MFSD1: variants seen among roughly 807,000 people sequenced by gnomAD.
MFSD1 encodes lysosomal dipeptide transporter MFSD1.
MFSD1 carries 59 observed loss-of-function variants against 67.1 expected under a neutral mutation model. The observed-to-expected ratio is 0.88, with a 90% CI of 0.71 to 1.09. The LOEUF (loss-of-function observed/expected upper bound fraction) is 1.09, where lower values mean the gene tolerates loss of function less well. Among genes scored for constraint, MFSD1 ranks in the 50% least tolerant of loss-of-function variants. The pLI, the probability that MFSD1 is intolerant of heterozygous loss-of-function variation, is 0.00. For synonymous variants in MFSD1, 213 were observed against 200.3 expected (o/e 1.06, Z -0.54); for missense variants, 552 against 566.1 (o/e 0.97, Z 0.25).
At position 158,807,035 on chromosome 3, in the gene MFSD1, A is replaced by G. The variant is rs940271383; in HGVS notation, c.330-5A>G. 13 of 1,608,428 alleles carry G rather than the reference A, an allele frequency of 8.1e-6. No homozygotes were observed. Among genetic ancestry groups the G allele is most frequent in the Non-Finnish European group, 1.1e-5 (13 of 1,177,618 alleles). On this transcript the variant is annotated splice_region_variant and splice_polypyrimidine_tract_variant and intron_variant, in intron 3 of 15. Transcript: ENST00000415822. ...TCTCATTCTCATTCTTTCTTTCCCAAACAGATGGGGCACAATCATTTTTAG... is the reference window on the plus strand; with the variant it reads ...TCTCATTCTCATTCTTTCTTTCCCAGACAGATGGGGCACAATCATTTTTAG...
chr3:158,822,257 G>A, intron 11 of MFSD1, 117 bp downstream of exon 11: 1 of 792,094 alleles, frequency 1.3e-6, no homozygotes. Flanking sequence ...GTGGGGAGAT[G>A]ACAACTTGAT....
Position 158,820,341 on chromosome 3 carries a change from T to C in MFSD1, c.863+15T>C. Reference sequence around the variant, plus strand: ...GGACTTGGGAAGTGAGTATTCTCTATGTTTCCATTATTTCTTGTCTAAATT... The same window carrying C: ...GGACTTGGGAAGTGAGTATTCTCTACGTTTCCATTATTTCTTGTCTAAATT... On this transcript the variant is annotated intron_variant, in intron 9 of 15. Transcript: ENST00000415822. 6.7e-7 allele frequency: 1 copy of C among 1,500,610 alleles called. No individual in the cohort carries two copies. The allele number at this position is 1,500,610 out of a possible 1,614,324, so 93.0% of individuals were successfully genotyped here.
At chr3:158,815,723 T>C (rs1730293443) in intron 7 of MFSD1, among the ~76,000 whole-genome samples, 1 of 151,838 alleles carries the variant, frequency 6.6e-6, no homozygotes, top group Admixed American at 6.6e-5. Context: ...TACATATGTA[T>C]ACATGTGCCA....
chr3:158,813,968 A>G lies in MFSD1; in HGVS notation c.553A>G (p.Ser185Gly), dbSNP rs770051609. Residue 185 changes from serine (S) to glycine (G), a missense_variant, in exon 7 of 16, where the codon AGT becomes GGT. Coordinates refer to ENST00000415822, the MANE Select transcript of MFSD1 (RefSeq NM_022736.4). ...GLQLSMARIG[S>G]TVNMNLMGWL... ...TTTTTTTTCCCTTCTCATTTAGGGA[A>G]GTACAGTAAACATGAACCTCATGGG... 5.6e-6 allele frequency: 9 copies of G among 1,606,812 alleles called. No homozygotes were observed. The highest frequency in any genetic ancestry group is 7.7e-6 in the Non-Finnish European group (9 of 1,174,156).
intron 14 of MFSD1, 92 bp from the exon 15 acceptor site, chr3:158,827,188 C>T (rs1731016848): frequency 1.4e-6 from 1 of 713,480 alleles, no homozygotes; most frequent in Non-Finnish European, 2.3e-6. Context: ...TACAGTGTAT[C>T]TATGCAAATG....
In MFSD1 at chr3:158,802,119, C is replaced by T; in HGVS notation, c.-34C>T. On this transcript the variant is annotated 5_prime_UTR_variant, in exon 1 of 16. Coordinates refer to ENST00000415822, the MANE Select transcript of MFSD1 (RefSeq NM_022736.4). ...GCTTCCTGCCTGGGTTTGGAGTTGTCACCACTTTCCCCTCTCCGTCTCCTG... is the reference window on the plus strand; with the variant it reads ...GCTTCCTGCCTGGGTTTGGAGTTGTTACCACTTTCCCCTCTCCGTCTCCTG... 6.2e-7 allele frequency: 1 copy of T among 1,608,804 alleles called. No homozygotes were observed. Among genetic ancestry groups the T allele is most frequent in the Non-Finnish European group, 8.5e-7 (1 of 1,178,718 alleles).
chr3:158,802,227 C>T lies in MFSD1; in HGVS notation c.75C>T (p.Ala25=). Residue 25 remains alanine, a synonymous_variant, in exon 1 of 16, where the codon GCC becomes GCT. Transcript: ENST00000415822. The part of the protein sequence containing the change: ...GPDEADRGAP[A]APGALPALCD... ...ACGAGGCCGACAGAGGTGCCCCGGCCGCCCCTGGAGCCCTGCCGGCCCTCT... is the reference window on the plus strand; with the variant it reads ...ACGAGGCCGACAGAGGTGCCCCGGCTGCCCCTGGAGCCCTGCCGGCCCTCT... 1.2e-6 allele frequency: 2 copies of T among 1,611,100 alleles called. No individual in the cohort carries two copies. The highest frequency in any genetic ancestry group is 2.2e-5 in the East Asian group (1 of 44,818).
At chr3:158,808,866 G>A (rs1332641119) in intron 5 of MFSD1, 3 of 242,478 alleles carry the variant, frequency 1.2e-5, no homozygotes, top group South Asian at 1.3e-4. Context: ...GCTGACTGGG[G>A]CACTTACATG....
chr3:158,823,204 C>T, intron 11 of MFSD1: 1 of 497,130 alleles, frequency 2.0e-6, no homozygotes, highest in Non-Finnish European at 3.6e-6. Flanking sequence ...AATATGATGA[C>T]AAATGAAAAT....
chr3:158,819,649 G>C lies in MFSD1; in HGVS notation c.653G>C (p.Gly218Ala), dbSNP rs759351810. Residue 218 changes from glycine (G) to alanine (A), a missense_variant and splice_region_variant, in exon 8 of 16, where the codon GGG (glycine) becomes GCG (alanine). Coordinates refer to ENST00000415822, the MANE Select transcript of MFSD1 (RefSeq NM_022736.4). ...HTTLGITLMI[G>A]GITCILSLIC... ...TTCTTTTTTTTTTTTTTTTATTTAG[G>C]GGGTATAACGTGTATTCTTTCACTA... The C allele has an allele frequency of 6.9e-7, 1 of 1,457,818 alleles. No individual in the cohort carries two copies. Among genetic ancestry groups the C allele is most frequent in the African/African-American group, 1.5e-5 (1 of 68,794 alleles). 90.3% of individuals were successfully genotyped at this position (1,457,818 alleles called of 1,614,324 possible). A position where few individuals can be genotyped will look rare whatever the true frequency, so the allele number is the denominator to read the frequency against.
In MFSD1 at chr3:158,816,241, G is replaced by A. The variant is rs557791167; in HGVS notation, c.652+2174G>A. Among the ~76,000 whole-genome samples the A allele has an allele frequency of 3.6e-4, 55 of 152,150 alleles. 1 individual carries two copies. Among genetic ancestry groups the A allele is most frequent in the Non-Finnish European group, 6.0e-4 (41 of 68,028 alleles). ...GAGGAATCGCCACACCGACTTCCAC[G>A]ATGGTTGAACTAGTTTACAGACCCA... On this transcript the variant is annotated intron_variant, in intron 7 of 15. Transcript: ENST00000415822.
Position 158,805,485 on chromosome 3 carries a change from A to G in MFSD1, c.329+11A>G, listed in dbSNP as rs778266374. ...AGTATTTGGAATACGGTAAGCTTGA[A>G]AAGAAACTATGGGTAAATCTTACCT... On this transcript the variant is annotated intron_variant, in intron 3 of 15. Transcript: ENST00000415822. 2 of 1,565,286 alleles carry G rather than the reference A, an allele frequency of 1.3e-6. No individual in the cohort carries two copies. The highest frequency in any genetic ancestry group is 2.2e-5 in the East Asian group (1 of 44,584).
At chr3:158,805,241 A>T in intron 2 of MFSD1, 121 bp from the exon 3 acceptor site, 2 of 791,622 alleles carry the variant, frequency 2.5e-6, no homozygotes, top group East Asian at 5.1e-5. Flanking sequence ...GGTTAAAAAA[A>T]ACTTGCCCTT....
At chr3:158,809,489 G>A (rs1729894681) in intron 6 of MFSD1, among the ~76,000 whole-genome samples, 1 of 152,002 alleles carries the variant, frequency 6.6e-6, no homozygotes, top group South Asian at 2.1e-4. Flanking sequence ...AGTCTAAAAT[G>A]GTTGTGTACA....
chr3:158,804,254 C>A, intron 1 of MFSD1, 65 bp from the exon 2 acceptor site: 1 of 1,161,378 alleles, frequency 8.6e-7, no homozygotes, highest in Non-Finnish European at 1.2e-6. Flanking sequence ...ATTTCAGTAG[C>A]AACTGCAACT....
intron 5 of MFSD1, 159 bp from the exon 6 acceptor site, chr3:158,809,020 G>C: frequency 1.9e-6 from 1 of 524,748 alleles, no homozygotes; most frequent in Non-Finnish European, 3.4e-6. Flanking sequence ...ATATTCTATT[G>C]GTTGAAGTAG....
At position 158,824,224 on chromosome 3, in the gene MFSD1, G is replaced by T; in HGVS notation, c.1276G>T (p.Ala426Ser). ...GYLFLEVFFIACVSLSLLSVV... is the reference protein window; with the variant it reads ...GYLFLEVFFISCVSLSLLSVV... ...TTTGTTTTTGGAAGTGTTCTTCATT[G>T]CCTGTGTTTCTTGTGAGTATTCCGT... Residue 426 changes from alanine to serine, a missense_variant, in exon 13 of 16, where the codon GCC becomes TCC. Physicochemically the swap from Ala to Ser is moderately conservative, Grantham distance 99 (BLOSUM62 1). Transcript: ENST00000415822. 6.2e-7 allele frequency: 1 copy of T among 1,606,330 alleles called. No individual in the cohort carries two copies. The highest frequency in any genetic ancestry group is 1.7e-4 in the Middle Eastern group (1 of 6,022).
chr3:158,818,102 C>T (rs1007362746), intron 7 of MFSD1, among the ~76,000 whole-genome samples: 4 of 152,284 alleles, frequency 2.6e-5, no homozygotes, highest in Middle Eastern at 3.4e-3. Flanking sequence ...GGCAGTTTGT[C>T]TAACTGAACC....
Position 158,826,079 on chromosome 3 carries a change from A to G in MFSD1, c.1336+17A>G. 2 of 1,611,492 alleles carry G rather than the reference A, an allele frequency of 1.2e-6. No homozygotes were observed. Among genetic ancestry groups the G allele is most frequent in the Non-Finnish European group, 1.7e-6 (2 of 1,177,884 alleles). ...GTGCCCAGGGTAAGTAGAAGATCTG[A>G]TATTTGCTTCTTAAACCGCAGTGGA... On this transcript the variant is annotated intron_variant, in intron 14 of 15. Coordinates refer to ENST00000415822, the MANE Select transcript of MFSD1 (RefSeq NM_022736.4).
Sources: allele counts gnomAD v4.1 joint callset (sites outside exome capture counted in the v4.1 genomes callset), GRCh38; gene constraint gnomAD v4.1.1; transcripts MANE v1.5; gene names NCBI Gene and HGNC (gene_info 2026-07-23, HGNC 2026-07-21).